The following NHSL3 variants were observed in gnomAD, a reference collection of about 807,000 sequenced individuals.
The protein encoded by NHSL3 is NHS-like protein 3.
At chr1:32,771,199 C>T in the NHSL3 span, 9 of 1,612,228 alleles carry the variant, frequency 5.6e-6, no homozygotes, top group East Asian at 2.0e-4. Context: ...CTCCCCACCT[C>T]CCTCCAAGCC....
At chr1:32,765,907 A>C in the NHSL3 span, 1 of 1,354,180 alleles carries the variant, frequency 7.4e-7, no homozygotes, top group East Asian at 2.5e-5. Flanking sequence ...ATGAGGAATC[A>C]AGGCTGGGCA....
chr1:32,771,493 C>T, the NHSL3 span: 1 of 1,575,398 alleles, frequency 6.3e-7, no homozygotes, highest in South Asian at 1.2e-5. Context: ...CTGGCCCCCT[C>T]CCCCACCCCC....
chr1:32,742,342 T>C, the NHSL3 span, among the ~76,000 whole-genome samples: 1 of 152,168 alleles, frequency 6.6e-6, no homozygotes, highest in Non-Finnish European at 1.5e-5. Context: ...GTCCGAACAC[T>C]TCCACCCTGC....
chr1:32,759,730 C>T, the NHSL3 span, among the ~76,000 whole-genome samples: 4 of 152,288 alleles, frequency 2.6e-5, no homozygotes, highest in East Asian at 7.7e-4. Flanking sequence ...TCGTGCCCCT[C>T]CCCCAACTGC....
the NHSL3 span, chr1:32,770,108 CGGG>C: frequency 6.4e-7 from 1 of 1,556,652 alleles, no homozygotes; most frequent in Non-Finnish European, 8.7e-7. This position sits in a 1 kb window ranked among gnomAD's most constrained non-coding sequence, Gnocchi z 8.3. Context: ...GGCCGGTCCA[CGGG>C]TACCCGGGCC....
chr1:32,770,117 G>A, the NHSL3 span: 6 of 1,557,838 alleles, frequency 3.9e-6, no homozygotes, highest in South Asian at 6.0e-5. This position sits in a 1 kb window ranked among gnomAD's most constrained non-coding sequence, Gnocchi z 8.3. Context: ...ACGGGTACCC[G>A]GGCCCCACCA....
the NHSL3 span, among the ~76,000 whole-genome samples, chr1:32,743,961 A>G: frequency 6.6e-6 from 1 of 152,106 alleles, no homozygotes; most frequent in Non-Finnish European, 1.5e-5. Context: ...GCCTCCTATT[A>G]TTGCAACTGT....
chr1:32,751,090 C>T, the NHSL3 span, among the ~76,000 whole-genome samples: 16 of 152,320 alleles, frequency 1.1e-4, no homozygotes, highest in Middle Eastern at 6.8e-3. Context: ...GGATTACAGG[C>T]ATGAGCCACC....
At chr1:32,751,039 G>A in the NHSL3 span, among the ~76,000 whole-genome samples, 2 of 150,026 alleles carry the variant, frequency 1.3e-5, no homozygotes, top group Non-Finnish European at 3.0e-5. Flanking sequence ...TTGAACTCCC[G>A]ACCTCAGGTG....
the NHSL3 span, chr1:32,742,202 G>T: frequency 1.6e-6 from 2 of 1,246,454 alleles, no homozygotes; most frequent in Non-Finnish European, 1.0e-6. Flanking sequence ...AAGGCGGTCG[G>T]CACCTGGGCT....
the NHSL3 span, among the ~76,000 whole-genome samples, chr1:32,750,591 T>A: frequency 6.6e-6 from 1 of 152,022 alleles, no homozygotes; most frequent in East Asian, 1.9e-4. Flanking sequence ...CACCGCAACC[T>A]CCACCTCCTG....
At chr1:32,745,912 C>T in the NHSL3 span, among the ~76,000 whole-genome samples, 2 of 151,964 alleles carry the variant, frequency 1.3e-5, no homozygotes, top group African/African-American at 4.8e-5. Context: ...CTTTGTCCCA[C>T]AGGAGGACTC....
chr1:32,758,653 G>A, the NHSL3 span, among the ~76,000 whole-genome samples: 2 of 152,098 alleles, frequency 1.3e-5, no homozygotes, highest in South Asian at 2.1e-4. Context: ...CCCAGGCCCC[G>A]ACTCAAGGAA....
At chr1:32,743,376 A>G in the NHSL3 span, among the ~76,000 whole-genome samples, 4 of 152,052 alleles carry the variant, frequency 2.6e-5, no homozygotes, top group African/African-American at 9.7e-5. Context: ...TTCCTTTTGG[A>G]TAAGGGCCCT....
chr1:32,753,773 G>GA, the NHSL3 span, among the ~76,000 whole-genome samples: 3 of 152,240 alleles, frequency 2.0e-5, no homozygotes, highest in East Asian at 5.8e-4. Context: ...CCTCTGGGCT[G>GA]AGAGAGTGGG....
At chr1:32,770,711 G>A in the NHSL3 span, 1 of 1,548,326 alleles carries the variant, frequency 6.5e-7, no homozygotes, top group Non-Finnish European at 8.7e-7. The surrounding 1 kb of genome is among the most constrained non-coding windows in gnomAD (Gnocchi z 8.3). Flanking sequence ...CATCAGCGGG[G>A]CTTAGCAGTG....
the NHSL3 span, among the ~76,000 whole-genome samples, chr1:32,752,887 GA>G: frequency 0.11 from 10,812 of 94,536 alleles, 619 homozygotes; most frequent in South Asian, 0.15. Flanking sequence ...CGTTTTTAAA[GA>G]AAAAAAAAAC....
At chr1:32,749,248 G>C in the NHSL3 span, among the ~76,000 whole-genome samples, 4 of 152,154 alleles carry the variant, frequency 2.6e-5, no homozygotes, top group East Asian at 7.7e-4. Context: ...CACGTGCTAG[G>C]GACTTGGGAC....
the NHSL3 span, among the ~76,000 whole-genome samples, chr1:32,761,127 A>G: frequency 6.6e-6 from 1 of 152,088 alleles, no homozygotes. Flanking sequence ...TGCTTCCCTC[A>G]TGGCCTCAGC....
Sources: gnomAD v4.1 joint callset for allele counts (sites outside exome capture counted in the v4.1 genomes callset) on GRCh38, gnomAD v4.1.1 for gene constraint, Gnocchi (gnomAD v3.1) non-coding constraint, MANE v1.5 for transcripts, NCBI Gene and HGNC (gene_info 2026-07-23, HGNC 2026-07-21) for gene names.